The following ERICH6 variants were observed in gnomAD, a reference collection of about 807,000 sequenced individuals.
ERICH6 encodes glutamate rich 6.
ERICH6 carries 71 observed loss-of-function variants against 71.0 expected under a neutral mutation model. The ratio of observed to expected loss-of-function variants is 1.00; its 90% CI spans 0.83 to 1.22. ERICH6 has a LOEUF of 1.22. Ranked by LOEUF, ERICH6 falls within the 50% of genes most tolerant of loss-of-function variation. ERICH6 has a pLI of 0.00. For missense variants in ERICH6, 808 were observed against 797.2 expected (o/e 1.01, Z -0.16); for synonymous variants, 262 against 278.4 (o/e 0.94, Z 0.59).
intron 13 of ERICH6, among the ~76,000 whole-genome samples, chr3:150,664,118 G>T (rs1727316578): frequency 2.6e-5 from 4 of 152,026 alleles, no homozygotes; most frequent in Non-Finnish European, 5.9e-5. Flanking sequence ...AATCAGGGGA[G>T]AATAGTCTTG....
chr3:150,684,203 T>G (rs936413961), intron 6 of ERICH6, among the ~76,000 whole-genome samples: 29 of 152,092 alleles, frequency 1.9e-4, no homozygotes, highest in African/African-American at 6.3e-4. Flanking sequence ...CTGGGCAATA[T>G]AGTGAGACCA....
At chr3:150,664,080 G>A (rs183158833) in intron 13 of ERICH6, among the ~76,000 whole-genome samples, 189 of 152,148 alleles carry the variant, frequency 1.2e-3, no homozygotes, top group African/African-American at 4.5e-3. Context: ...AGAAAAATGA[G>A]AAGAAACAGC....
At chr3:150,681,807 C>CTTTTTTTTT (rs34909258) in intron 7 of ERICH6, among the ~76,000 whole-genome samples, 3 of 70,278 alleles carry the variant, frequency 4.3e-5, no homozygotes, top group Admixed American at 2.3e-4. Flanking sequence ...ACACATAACT[C>CTTTTTTTTT]TTTTTTTTTT....
At chr3:150,674,190 C>A in intron 10 of ERICH6, 149 bp from the exon 11 acceptor site, 1 of 597,448 alleles carries the variant, frequency 1.7e-6, no homozygotes, top group Admixed American at 3.1e-5. Flanking sequence ...AGGAGACAAC[C>A]CTTAGCAATT....
intron 3 of ERICH6, among the ~76,000 whole-genome samples, chr3:150,695,195 A>G (rs1348836284): frequency 6.6e-6 from 1 of 152,162 alleles, no homozygotes. Flanking sequence ...AATAGATAAA[A>G]CTGCCACTAT....
rs192427858 is a variant in ERICH6 at position 150,682,098 on chromosome 3, A to G, written c.882+120T>C. 768 of 830,862 alleles carry G rather than the reference A, an allele frequency of 9.2e-4. 13 individuals carry two copies. In the South Asian group the frequency reaches 0.011, roughly 12 times the overall value. 51.5% of individuals were successfully genotyped at this position (830,862 alleles called of 1,614,324 possible). A position where few individuals can be genotyped will look rare whatever the true frequency, so the allele number is the denominator to read the frequency against. ...CCGAAGTGCTAGGATTACAGGTGTG[A>G]GCCATCAAGCCCGGCCTAACTCTTT... On this transcript the variant is annotated intron_variant, in intron 7 of 13. Transcript: ENST00000295910.
chr3:150,698,690 G>A (rs945483374), intron 3 of ERICH6, 101 bp downstream of exon 3: 82 of 933,540 alleles, frequency 8.8e-5, no homozygotes, highest in Non-Finnish European at 1.3e-4. Context: ...GTATGTGTTG[G>A]GGCTGGGATT....
chr3:150,662,983 A>G (rs1727278012), intron 13 of ERICH6, among the ~76,000 whole-genome samples: 1 of 152,170 alleles, frequency 6.6e-6, no homozygotes, highest in Non-Finnish European at 1.5e-5. Context: ...AATGAGTGAG[A>G]TAAGATAATA....
intron 8 of ERICH6, 55 bp from the exon 9 acceptor site, chr3:150,680,593 C>T: frequency 6.3e-7 from 1 of 1,599,386 alleles, no homozygotes; most frequent in Non-Finnish European, 8.6e-7. Flanking sequence ...AAGCTTAAAA[C>T]AGTCTACTAC....
rs369799148 is a variant in ERICH6 at position 150,680,806 on chromosome 3, T to C, written c.1007A>G (p.Asp336Gly). Residue 336 changes from aspartate to glycine, a missense_variant, in exon 8 of 14, where the codon GAC becomes GGC. Transcript: ENST00000295910. ...DPHAAHGSEV[D>G]RLKAKEKALQ... ...GGCTTTTTCTTTTGCCTTGAGTCTG[T>C]CGACCTCACTACCATGGGCTGCATG... is the stretch of plus-strand genomic sequence containing the variant. 1.6e-5 allele frequency: 25 copies of C among 1,612,134 alleles called. No individual in the cohort carries two copies. The highest frequency in any genetic ancestry group is 2.0e-5 in the Non-Finnish European group (24 of 1,179,544).
At chr3:150,695,702 T>A (rs1712632497) in intron 3 of ERICH6, among the ~76,000 whole-genome samples, 1 of 151,554 alleles carries the variant, frequency 6.6e-6, no homozygotes, top group South Asian at 2.1e-4. Flanking sequence ...AATGGTTGGC[T>A]ACATCAATGA....
chr3:150,687,141 A>C (rs187454888), intron 3 of ERICH6, among the ~76,000 whole-genome samples: 1 of 152,364 alleles, frequency 6.6e-6, no homozygotes, highest in African/African-American at 2.4e-5. Context: ...CAAAATAAAT[A>C]AAAGAAATTA....
At chr3:150,660,206 G>A in intron 13 of ERICH6, 51 bp from the exon 14 acceptor site, 1 of 1,583,904 alleles carries the variant, frequency 6.3e-7, no homozygotes. Context: ...AAGTGGAACT[G>A]GGGAGGTGGG....
intron 13 of ERICH6, among the ~76,000 whole-genome samples, chr3:150,664,572 G>A (rs917549771): frequency 4.6e-5 from 7 of 151,708 alleles, no homozygotes; most frequent in African/African-American, 1.7e-4. Flanking sequence ...GCTTGAACCC[G>A]GGAGGTGGAG....
intron 6 of ERICH6, among the ~76,000 whole-genome samples, chr3:150,684,233 T>TA (rs1446582853): frequency 1.5e-4 from 23 of 151,920 alleles, no homozygotes; most frequent in East Asian, 1.2e-3. Context: ...AATAAATAAA[T>TA]AAAAAAACAA....
intron 3 of ERICH6, among the ~76,000 whole-genome samples, chr3:150,692,088 C>T (rs575624014): frequency 1.1e-4 from 17 of 152,020 alleles, no homozygotes; most frequent in East Asian, 7.7e-4. Context: ...AGCATATAGG[C>T]GCTTGTGTCA....
intron 13 of ERICH6, among the ~76,000 whole-genome samples, chr3:150,666,247 T>C (rs886123088): frequency 6.6e-6 from 1 of 152,190 alleles, no homozygotes; most frequent in African/African-American, 2.4e-5. Flanking sequence ...AAGATAGAGA[T>C]TCTTCCTGTC....
At chr3:150,687,044 A>T (rs1035636138) in intron 3 of ERICH6, among the ~76,000 whole-genome samples, 1 of 152,208 alleles carries the variant, frequency 6.6e-6, no homozygotes, top group Admixed American at 6.5e-5. Flanking sequence ...GCTGACAGGC[A>T]CCTGTAGAAC....
chr3:150,689,649 G>C (rs1194886485), intron 3 of ERICH6, among the ~76,000 whole-genome samples: 3 of 152,084 alleles, frequency 2.0e-5, no homozygotes, highest in Non-Finnish European at 4.4e-5. Flanking sequence ...TTTCCTCCTA[G>C]AATCTTGTCC....
Sources: allele counts gnomAD v4.1 joint callset (sites outside exome capture counted in the v4.1 genomes callset), GRCh38; gene constraint gnomAD v4.1.1; transcripts MANE v1.5; gene names NCBI Gene and HGNC (gene_info 2026-07-23, HGNC 2026-07-21).